Variants in GPC5 observed in about 807,000 individuals in gnomAD.
GPC5 encodes the protein glypican 5, also known as glypican-5.
A neutral mutation model predicts 53.9 loss-of-function variants in GPC5; 47 were observed. The ratio of observed to expected loss-of-function variants is 0.87; its 90% confidence interval spans 0.69 to 1.11. GPC5 has a LOEUF of 1.11. Ranked by LOEUF, GPC5 falls within the 50% of genes most tolerant of loss-of-function variation. GPC5 has a pLI of 0.00. For synonymous variants in GPC5, 286 were observed against 263.3 expected (o/e 1.09, Z -0.84); for missense variants, 748 against 713.1 (o/e 1.05, Z -0.56).
chr13:92,567,402 A>G (rs994416014), intron 7 of GPC5, among the ~76,000 whole-genome samples: 3 of 152,102 alleles, frequency 2.0e-5, no homozygotes, highest in African/African-American at 7.2e-5. Flanking sequence ...TGAACAGAAT[A>G]ATGCCTCCTC....
intron 2 of GPC5, among the ~76,000 whole-genome samples, chr13:91,632,313 C>T (rs1322043753): frequency 6.6e-6 from 1 of 151,734 alleles, no homozygotes; most frequent in Admixed American, 6.6e-5. Flanking sequence ...GGGAATATGC[C>T]CAAGAGATTT....
intron 5 of GPC5, among the ~76,000 whole-genome samples, chr13:91,869,930 C>T (rs1272232171): frequency 1.3e-5 from 2 of 152,114 alleles, no homozygotes; most frequent in Non-Finnish European, 2.9e-5. Context: ...AAAATCTACC[C>T]CCATGATACA....
At chr13:92,809,138 A>G (rs549039808) in intron 7 of GPC5, among the ~76,000 whole-genome samples, 18 of 152,278 alleles carry the variant, frequency 1.2e-4, no homozygotes, top group African/African-American at 3.6e-4. Flanking sequence ...TGTTCAGAAG[A>G]ATGGACAGTT....
At chr13:92,683,172 A>G (rs1307748927) in intron 7 of GPC5, among the ~76,000 whole-genome samples, 2 of 152,152 alleles carry the variant, frequency 1.3e-5, no homozygotes, top group African/African-American at 4.8e-5. Context: ...CAGTCCTAGG[A>G]CAAAAGGACA....
chr13:92,562,308 C>T (rs977396190), intron 7 of GPC5, among the ~76,000 whole-genome samples: 5 of 152,000 alleles, frequency 3.3e-5, no homozygotes, highest in African/African-American at 9.7e-5. Flanking sequence ...CTCAATACGT[C>T]GGCTCTTGCC....
chr13:92,040,933 C>T (rs2040936885), intron 6 of GPC5, among the ~76,000 whole-genome samples: 1 of 152,200 alleles, frequency 6.6e-6, no homozygotes, highest in East Asian at 1.9e-4. Flanking sequence ...TCACTGCAAC[C>T]TCCACCTCCT....
chr13:91,589,658 T>C (rs988236444), intron 2 of GPC5, among the ~76,000 whole-genome samples: 6 of 152,242 alleles, frequency 3.9e-5, no homozygotes, highest in South Asian at 2.1e-4. Context: ...AGGGTACAAT[T>C]TTCAGTCCTT....
chr13:92,836,933 G>C (rs1878240952), intron 7 of GPC5, among the ~76,000 whole-genome samples: 1 of 150,096 alleles, frequency 6.7e-6, no homozygotes, highest in Non-Finnish European at 1.5e-5. Context: ...AAGGAGAAGA[G>C]TAATAACTAA....
rs544532825 is a variant in GPC5, at chr13:92,707,620, AG to A, written c.1562-158661del. Among the ~76,000 whole-genome samples, 13 of 152,106 alleles carry A rather than the reference AG, an allele frequency of 8.5e-5. No homozygotes were observed. The South Asian group carries it at 1.9e-3, about 22-fold the overall frequency. On this transcript the variant is annotated intron_variant, in intron 7 of 7. Coordinates refer to ENST00000377067, the MANE Select transcript of GPC5 (RefSeq NM_004466.6). ...TCATAGTGAGAGAAACACAAATGAA[AG>A]CTCTTCTTTAAAAAAAAAAATGCAT...
At chr13:92,438,039 A>G (rs77719692) in intron 7 of GPC5, among the ~76,000 whole-genome samples, 1,744 of 152,212 alleles carry the variant, frequency 0.011, 37 homozygotes, top group African/African-American at 0.04. Flanking sequence ...ATGATATTGC[A>G]ACATGCTCAT....
At chr13:91,849,980 T>C (rs2038895199) in intron 5 of GPC5, among the ~76,000 whole-genome samples, 1 of 152,184 alleles carries the variant, frequency 6.6e-6, no homozygotes. Context: ...GAGGCAAAGA[T>C]GAGGCAGGTA....
At chr13:91,507,224 T>A (rs1307194031) in intron 2 of GPC5, among the ~76,000 whole-genome samples, 2 of 152,256 alleles carry the variant, frequency 1.3e-5, no homozygotes, top group East Asian at 1.9e-4. Context: ...TAGATATCTG[T>A]CTTCTTGCTC....
At chr13:92,076,320 C>T (rs917403510) in intron 6 of GPC5, among the ~76,000 whole-genome samples, 8 of 152,066 alleles carry the variant, frequency 5.3e-5, no homozygotes, top group African/African-American at 1.9e-4. Flanking sequence ...GACCACCTGC[C>T]TCGGCCTCCC....
At chr13:92,489,456 A>T (rs1429774557) in intron 7 of GPC5, among the ~76,000 whole-genome samples, 1 of 152,274 alleles carries the variant, frequency 6.6e-6, no homozygotes, top group East Asian at 1.9e-4. Context: ...AGAATTAGGC[A>T]AGGTAATTTG....
chr13:91,613,999 T>C (rs1874351565), intron 2 of GPC5, among the ~76,000 whole-genome samples: 1 of 152,222 alleles, frequency 6.6e-6, no homozygotes, highest in African/African-American at 2.4e-5. Flanking sequence ...TGAAAGATGG[T>C]ACTTCGAACA....
At chr13:92,319,018 A>G (rs2043198311) in intron 7 of GPC5, among the ~76,000 whole-genome samples, 1 of 152,278 alleles carries the variant, frequency 6.6e-6, no homozygotes, top group African/African-American at 2.4e-5. Context: ...ATTGAAGAAG[A>G]GAGTAGGGCA....
At chr13:92,608,825 C>G (rs777961224) in intron 7 of GPC5, among the ~76,000 whole-genome samples, 10 of 152,166 alleles carry the variant, frequency 6.6e-5, no homozygotes, top group Admixed American at 1.3e-4. Context: ...GTGCACACTG[C>G]CTAGACTATT....
At chr13:92,352,013 C>G (rs1457983795) in intron 7 of GPC5, among the ~76,000 whole-genome samples, 5 of 152,010 alleles carry the variant, frequency 3.3e-5, no homozygotes, top group Non-Finnish European at 7.4e-5. Flanking sequence ...ATAAGATGCT[C>G]AGAAGAAAAG....
intron 7 of GPC5, among the ~76,000 whole-genome samples, chr13:92,289,971 T>C (rs1026238762): frequency 2.0e-5 from 3 of 152,152 alleles, no homozygotes; most frequent in Non-Finnish European, 1.5e-5. Flanking sequence ...TTTTAAATTG[T>C]TGAGGGAAAA....
Sources: allele counts gnomAD v4.1 joint callset (sites outside exome capture counted in the v4.1 genomes callset), GRCh38; gene constraint gnomAD v4.1.1; transcripts MANE v1.5; gene names NCBI Gene and HGNC (gene_info 2026-07-23, HGNC 2026-07-21).